Variants in RAB37 observed in about 807,000 individuals in gnomAD.
RAB37 encodes the protein ras-related protein Rab-37.
RAB37 carries 29 observed loss-of-function variants against 33.1 expected under a neutral mutation model. The ratio of observed to expected loss-of-function variants is 0.88; its 90% confidence interval spans 0.65 to 1.20. The LOEUF is 1.20. RAB37 is among the 50% of genes most tolerant of loss of function. RAB37 has a pLI of 0.00. For synonymous variants in RAB37, 128 were observed against 119.5 expected, an observed-to-expected ratio of 1.07 and a Z score of -0.47; for missense variants, 299 against 301.1, an observed-to-expected ratio of 0.99 and a Z score of 0.05.
At chr17:74,691,143 G>C (rs1044805500) in intron 1 of RAB37, among the ~76,000 whole-genome samples, 5 of 152,066 alleles carry the variant, frequency 3.3e-5, no homozygotes, top group African/African-American at 1.2e-4. Flanking sequence ...GGAGTAGCTG[G>C]GACTGCAGGC....
At chr17:74,687,123 G>T (rs139998457) in intron 1 of RAB37, among the ~76,000 whole-genome samples, 277 of 152,250 alleles carry the variant, frequency 1.8e-3, no homozygotes, top group African/African-American at 6.5e-3. Flanking sequence ...CCTTAATTCT[G>T]AGCCCCTCCT....
chr17:74,708,961 A>C (rs1321086937), intron 1 of RAB37, among the ~76,000 whole-genome samples: 1 of 151,302 alleles, frequency 6.6e-6, no homozygotes, highest in Non-Finnish European at 1.5e-5. Context: ...ACGGTGGTTT[A>C]CACCTGCAAT....
In RAB37 at chr17:74,737,314, G is replaced by C; in HGVS notation, c.42G>C (p.Glu14Asp). The C allele has an allele frequency of 1.3e-6, 2 of 1,577,588 alleles. No individual in the cohort carries two copies. The highest frequency in any genetic ancestry group is 1.7e-6 in the Non-Finnish European group (2 of 1,169,160). The change falls in exon 1 of 9, where the codon GAG (glutamate) becomes GAC (aspartate). Residue 14 changes from glutamate (E) to aspartate (D), a missense_variant. By Grantham distance (45) the Glu-to-Asp change is conservative (BLOSUM62 2). Transcript: ENST00000392613. ...TPGAVATRDG[E>D]APERSPPCSP... The stretch of plus-strand genomic sequence containing the variant: ...GCGCCGTTGCCACCCGGGATGGCGA[G>C]GCCCCCGAGCGCTCCCCGCCCTGCA...
chr17:74,702,589 C>T lies in RAB37; in HGVS notation c.73-26667C>T, dbSNP rs1266760750. On this transcript the variant is annotated intron_variant, in intron 1 of 7. Coordinates refer to the RAB37 transcript ENST00000340415. ...AAGGGAAACAGGACTTCCCCAAGCC[C>T]TCCTTTCCTTGTCCTCCCAGAAGTT... is the stretch of plus-strand genomic sequence containing the variant. Among the ~76,000 whole-genome samples the T allele has an allele frequency of 2.0e-5, 3 of 152,172 alleles. No individual in the cohort carries two copies. The East Asian group carries it at 5.8e-4, about 29-fold the overall frequency.
chr17:74,705,358 C>A lies in RAB37; in HGVS notation c.73-23898C>A, dbSNP rs997583184. On this transcript the variant is annotated intron_variant, in intron 1 of 7. Coordinates refer to the RAB37 transcript ENST00000340415. The stretch of plus-strand genomic sequence containing the variant: ...CCTTTGAAGTTGATCAAAACAGCAA[C>A]GGCAACTGGTCTCCATGTGCTATAG... 6.1e-6 allele frequency: 4 copies of A among 658,786 alleles called. No homozygotes were observed. The Admixed American group carries it at 6.2e-5, about 10-fold the overall frequency. The allele number at this position is 658,786 out of a possible 1,614,324, so 40.8% of individuals were successfully genotyped here.
At chr17:74,712,961 C>G in intron 1 of RAB37, 1 of 1,256,278 alleles carries the variant, frequency 8.0e-7, no homozygotes, top group South Asian at 1.3e-5. Context: ...CACTCTCGCC[C>G]TTGAACTTCC....
At chr17:74,687,028 G>C (rs1053862307) in intron 1 of RAB37, among the ~76,000 whole-genome samples, 8 of 152,134 alleles carry the variant, frequency 5.3e-5, no homozygotes, top group African/African-American at 1.9e-4. Flanking sequence ...CCAGTGCTCT[G>C]CTCTGCTCAT....
In RAB37 at chr17:74,715,690, C is replaced by G. The variant is rs929186287; in HGVS notation, c.73-13566C>G. ...GCCAGACCCTCTGATCGTGGCCTCT[C>G]CCAGACCTGGCCTCCCCAAGAAGGA... On this transcript the variant is annotated intron_variant, in intron 1 of 7. Transcript: ENST00000340415. Among the ~76,000 whole-genome samples the G allele has an allele frequency of 3.9e-5, 6 of 152,252 alleles. No homozygotes were observed. In the East Asian group the frequency reaches 1.2e-3, roughly 29 times the overall value.
At position 74,745,613 on chromosome 17, in the gene RAB37, T is replaced by C. The variant is rs757342197; in HGVS notation, c.*202T>C. On this transcript the variant is annotated 3_prime_UTR_variant, in exon 9 of 9. Transcript: ENST00000392613. The surrounding 1 kb of genome is among the most constrained non-coding windows in gnomAD (Gnocchi z 4.5). ...CGCATCCACAGGGAGGGTAAAACAC[T>C]TAGCTTTTATTTTAATAGTACATAA... 1 of 558,756 alleles carries C rather than the reference T, an allele frequency of 1.8e-6. No individual in the cohort carries two copies. The highest frequency in any genetic ancestry group is 3.2e-6 in the Non-Finnish European group (1 of 315,272). The allele number at this position is 558,756 out of a possible 1,614,324, so 34.6% of individuals were successfully genotyped here. A position where few individuals can be genotyped will look rare whatever the true frequency, so the allele number is the denominator to read the frequency against.
At chr17:74,702,922 C>A in intron 1 of RAB37, 1 of 866,142 alleles carries the variant, frequency 1.2e-6, no homozygotes, top group East Asian at 2.5e-5. Context: ...TCATCCTCAC[C>A]AAGGAGCATG....
upstream of RAB37, chr17:74,736,543 GC>G: frequency 6.8e-7 from 1 of 1,467,974 alleles, no homozygotes; most frequent in Non-Finnish European, 9.0e-7. Context: ...AATAAGGCCG[GC>G]CCCGCCTTCA....
At chr17:74,693,082 C>T (rs1362059392) in intron 1 of RAB37, among the ~76,000 whole-genome samples, 1 of 152,184 alleles carries the variant, frequency 6.6e-6, no homozygotes, top group Non-Finnish European at 1.5e-5. Context: ...AGCAACAAGA[C>T]AGAGAGAAAT....
intron 1 of RAB37, among the ~76,000 whole-genome samples, chr17:74,706,694 A>G (rs1292378227): frequency 6.6e-6 from 1 of 152,058 alleles, no homozygotes; most frequent in Admixed American, 6.6e-5. Context: ...CAAAACAAAA[A>G]CCAGCAGTTC....
chr17:74,712,933 C>T, intron 1 of RAB37: 2 of 1,503,530 alleles, frequency 1.3e-6, no homozygotes, highest in Non-Finnish European at 1.8e-6. Context: ...TACAGACTCC[C>T]AGCCTTCTGC....
At chr17:74,711,899 C>T (rs1318930636) in intron 1 of RAB37, among the ~76,000 whole-genome samples, 12 of 143,450 alleles carry the variant, frequency 8.4e-5, no homozygotes, top group Admixed American at 2.1e-4. Flanking sequence ...TTTCTTTTTT[C>T]TTTTTTCTTT....
chr17:74,706,369 T>C (rs1489201724), intron 1 of RAB37, among the ~76,000 whole-genome samples: 3 of 142,846 alleles, frequency 2.1e-5, no homozygotes, highest in African/African-American at 7.8e-5. Flanking sequence ...AGTAAAGAAA[T>C]ATTTCCCTGT....
chr17:74,695,887 TCACAAGATCTGTCTGTGGA>T, intron 1 of RAB37: 1 of 1,604,282 alleles, frequency 6.2e-7, no homozygotes, highest in Non-Finnish European at 8.5e-7. Context: ...GGCTGGGGAG[TCACAAGATCTGTCTGTGGA>T]CACAGGTTCC....
At chr17:74,721,706 G>A (rs775524561) in intron 1 of RAB37, among the ~76,000 whole-genome samples, 10 of 152,136 alleles carry the variant, frequency 6.6e-5, no homozygotes, top group Non-Finnish European at 1.2e-4. Context: ...TGGGATTACA[G>A]GCATGAGCCA....
chr17:74,745,496 G>T lies in RAB37; in HGVS notation c.*85G>T. ...GGCCTGGCTTATTCCAAGAGGCTGA[G>T]CCAATGGGGAGAAAGATGGAGGACT... On this transcript the variant is annotated 3_prime_UTR_variant, in exon 9 of 9. Coordinates refer to ENST00000392613, the MANE Select transcript of RAB37 (RefSeq NM_001006638.3). The surrounding 1 kb of genome is among the most constrained non-coding windows in gnomAD (Gnocchi z 4.5). The T allele has an allele frequency of 9.0e-7, 1 of 1,113,370 alleles. No individual in the cohort carries two copies. Among genetic ancestry groups the T allele is most frequent in the Non-Finnish European group, 1.4e-6 (1 of 739,648 alleles). 69.0% of individuals were successfully genotyped at this position (1,113,370 alleles called of 1,614,324 possible).
Sources: gnomAD v4.1 joint callset for allele counts (sites outside exome capture counted in the v4.1 genomes callset) on GRCh38, gnomAD v4.1.1 for gene constraint, Gnocchi (gnomAD v3.1) non-coding constraint, MANE v1.5 for transcripts, NCBI Gene and HGNC (gene_info 2026-07-23, HGNC 2026-07-21) for gene names.